The following CADPS variants were observed in gnomAD, a reference collection of about 807,000 sequenced individuals.
CADPS encodes calcium dependent secretion activator.
Under a neutral mutation model 167.3 loss-of-function variants are expected in CADPS, and 57 were observed. The ratio of observed to expected loss-of-function variants is 0.34; its 90% CI spans 0.28 to 0.42. CADPS has a LOEUF of 0.42. Ranked by LOEUF, CADPS falls within the 20% of genes least tolerant of loss-of-function variation. The pLI is 1.00. For synonymous variants in CADPS, 676 were observed against 635.3 expected (o/e 1.06, Z -0.96); for missense variants, 1,414 against 1,738.1 (o/e 0.81, Z 3.32).
intron 3 of CADPS, among the ~76,000 whole-genome samples, chr3:62,684,680 C>T (rs2077685176): frequency 6.6e-6 from 1 of 151,988 alleles, no homozygotes; most frequent in South Asian, 2.1e-4. Context: ...CCACCATTTC[C>T]TCAGTGGTCT....
chr3:62,794,931 G>A (rs1035851565), intron 1 of CADPS, among the ~76,000 whole-genome samples: 9 of 151,890 alleles, frequency 5.9e-5, no homozygotes, highest in African/African-American at 2.2e-4. Context: ...ATCCTGTGGC[G>A]GGCTCTCATT....
chr3:62,841,613 A>C (rs1303852680), intron 1 of CADPS, among the ~76,000 whole-genome samples: 1 of 152,152 alleles, frequency 6.6e-6, no homozygotes, highest in Admixed American at 6.5e-5. Context: ...GCCGCTCAGG[A>C]GGGTGAGGCA....
intron 6 of CADPS, among the ~76,000 whole-genome samples, chr3:62,622,229 G>T (rs1337541008): frequency 6.6e-6 from 1 of 152,140 alleles, no homozygotes; most frequent in Non-Finnish European, 1.5e-5. Flanking sequence ...GGTGTAAAAA[G>T]GAGATGGGAT....
chr3:62,769,875 C>T (rs2088099997), intron 1 of CADPS, among the ~76,000 whole-genome samples: 1 of 152,020 alleles, frequency 6.6e-6, no homozygotes, highest in East Asian at 1.9e-4. Flanking sequence ...AGCCTTGGTT[C>T]CTCATTAAAA....
chr3:62,436,706 T>G (rs900150575), intron 28 of CADPS, among the ~76,000 whole-genome samples: 5 of 152,170 alleles, frequency 3.3e-5, no homozygotes, highest in Non-Finnish European at 5.9e-5. Context: ...TTCATGCCAC[T>G]TGATATAATG....
At chr3:62,449,801 G>A (rs897824976) in intron 26 of CADPS, among the ~76,000 whole-genome samples, 1 of 79,754 alleles carries the variant, frequency 1.3e-5, no homozygotes, top group Non-Finnish European at 3.7e-5. Flanking sequence ...TTAAAAGAGT[G>A]TGTGTGTGTG....
chr3:62,664,157 C>G (rs2073962261), intron 3 of CADPS, among the ~76,000 whole-genome samples: 1 of 152,142 alleles, frequency 6.6e-6, no homozygotes. Flanking sequence ...CAGGCGCATG[C>G]CATTGTGCCC....
In CADPS at chr3:62,512,944, G is replaced by C. The variant is rs542861303; in HGVS notation, c.2582-176C>G. Reference sequence around the variant, plus strand: ...CAAAGTTTGGGGGCCAGCAAAAAAGGCTCCTTCACAGAGGTGGAAAATGCT... The same window carrying C: ...CAAAGTTTGGGGGCCAGCAAAAAAGCCTCCTTCACAGAGGTGGAAAATGCT... On this transcript the variant is annotated intron_variant, in intron 16 of 29. Coordinates refer to ENST00000383710, the MANE Select transcript of CADPS (RefSeq NM_003716.4). 1.9e-4 allele frequency among the ~76,000 whole-genome samples: 29 copies of C among 152,206 alleles called. 1 individual carries two copies. In the East Asian group the frequency reaches 4.4e-3, roughly 23 times the overall value.
intron 10 of CADPS, among the ~76,000 whole-genome samples, chr3:62,551,419 C>T (rs1323095841): frequency 6.6e-6 from 1 of 152,150 alleles, no homozygotes; most frequent in Admixed American, 6.5e-5. Context: ...TAAATGTAGC[C>T]AGGATCATCC....
At chr3:62,688,937 G>A (rs1197253888) in intron 3 of CADPS, among the ~76,000 whole-genome samples, 1 of 151,954 alleles carries the variant, frequency 6.6e-6, no homozygotes, top group East Asian at 1.9e-4. Context: ...GACAATTCAA[G>A]TTGACATTGA....
At chr3:62,469,340 T>C (rs893311424) in intron 24 of CADPS, among the ~76,000 whole-genome samples, 1 of 152,202 alleles carries the variant, frequency 6.6e-6, no homozygotes, top group African/African-American at 2.4e-5. Flanking sequence ...GATATATTGT[T>C]CTGTGCAGAT....
At chr3:62,836,252 T>G (rs1041257260) in intron 1 of CADPS, among the ~76,000 whole-genome samples, 4 of 152,152 alleles carry the variant, frequency 2.6e-5, no homozygotes, top group African/African-American at 9.7e-5. Context: ...CTTTTTAAAT[T>G]ATCAAACTAA....
intron 17 of CADPS, among the ~76,000 whole-genome samples, chr3:62,503,191 T>C (rs1402925509): frequency 1.3e-5 from 2 of 152,190 alleles, no homozygotes; most frequent in South Asian, 2.1e-4. Flanking sequence ...AGAACACCTA[T>C]ACATTAATAG....
intron 28 of CADPS, among the ~76,000 whole-genome samples, chr3:62,414,255 C>G (rs2049565316): frequency 6.6e-6 from 1 of 152,166 alleles, no homozygotes; most frequent in East Asian, 1.9e-4. Flanking sequence ...TCCAATTTTT[C>G]AAGCCAGATC....
At position 62,413,216 on chromosome 3, in the gene CADPS, C is replaced by T. The variant is rs1339878412; in HGVS notation, c.3778-10031G>A. Among the ~76,000 whole-genome samples the T allele has an allele frequency of 2.6e-5, 4 of 152,250 alleles. No homozygotes were observed. In the South Asian group the frequency reaches 6.2e-4, roughly 24 times the overall value. On this transcript the variant is annotated intron_variant, in intron 28 of 29. Transcript: ENST00000383710. ...AACCCAAAAGCAAATACCACTTTTC[C>T]GGTTTCCACAACCTGAGTAAGTACC... is the stretch of plus-strand genomic sequence containing the variant.
intron 3 of CADPS, among the ~76,000 whole-genome samples, chr3:62,684,703 G>A (rs1343010114): frequency 6.6e-6 from 1 of 151,930 alleles, no homozygotes. Context: ...ACACTTTGGG[G>A]AAAGCTCAAC....
intron 3 of CADPS, among the ~76,000 whole-genome samples, chr3:62,713,526 G>A (rs780400337): frequency 6.6e-6 from 1 of 152,226 alleles, no homozygotes; most frequent in Non-Finnish European, 1.5e-5. Context: ...TATTTGGCAC[G>A]TAATTAAAAG....
intron 1 of CADPS, among the ~76,000 whole-genome samples, chr3:62,786,914 T>C (rs1270146858): frequency 2.0e-5 from 3 of 152,178 alleles, no homozygotes; most frequent in Non-Finnish European, 4.4e-5. Context: ...CACAGATATC[T>C]TGGTGCAGCC....
chr3:62,840,730 A>T (rs1577147275), intron 1 of CADPS, among the ~76,000 whole-genome samples: 2 of 152,166 alleles, frequency 1.3e-5, no homozygotes, highest in East Asian at 3.8e-4. Flanking sequence ...ATGTTTTCAG[A>T]CTTTAATATA....
Sources: allele counts gnomAD v4.1 joint callset (sites outside exome capture counted in the v4.1 genomes callset), GRCh38; gene constraint gnomAD v4.1.1; transcripts MANE v1.5; gene names NCBI Gene and HGNC (gene_info 2026-07-23, HGNC 2026-07-21).